Variants in NACC2 observed in about 807,000 individuals in gnomAD.
The protein encoded by NACC2 is NACC family member 2.
Under a neutral mutation model 25.1 loss-of-function variants are expected in NACC2, and 8 were observed. That is an observed-to-expected ratio of 0.32 (90% CI 0.19 to 0.57). The LOEUF (loss-of-function observed/expected upper bound fraction) is 0.57, where lower values mean the gene tolerates loss of function less well. Ranked by LOEUF, NACC2 falls within the 20% of genes least tolerant of loss-of-function variation. The pLI is 0.89. For missense variants in NACC2, 644 were observed against 650.2 expected, an observed-to-expected ratio of 0.99 and a Z score of 0.10; for synonymous variants, 435 against 294.7, an observed-to-expected ratio of 1.48 and a Z score of -4.88.
chr9:136,013,409 G>C lies in NACC2; in HGVS notation c.1158-113C>G, dbSNP rs1289495861. ...AGGCCACTTGGCCTCACCCTTGGCT[G>C]GTCTGCGTGTGTCCCAGTGGCAGGA... On this transcript the variant is annotated intron_variant, in intron 4 of 5. Coordinates refer to ENST00000277554, the MANE Select transcript of NACC2 (RefSeq NM_144653.5). This position sits in a 1 kb window ranked among gnomAD's most constrained non-coding sequence, Gnocchi z 6.6. The C allele has an allele frequency of 1.2e-5, 11 of 907,054 alleles. No homozygotes were observed. The Admixed American group carries it at 2.5e-4, about 21-fold the overall frequency. 56.2% of individuals were successfully genotyped at this position (907,054 alleles called of 1,614,324 possible).
intron 3 of NACC2, among the ~76,000 whole-genome samples, chr9:136,014,829 G>A (rs930273297): frequency 6.6e-6 from 1 of 152,194 alleles, no homozygotes; most frequent in African/African-American, 2.4e-5. Context: ...ACGCTGTGCT[G>A]TTTACCCTCG....
At chr9:136,088,518 G>A (rs1830402237) in intron 1 of NACC2, among the ~76,000 whole-genome samples, 1 of 152,168 alleles carries the variant, frequency 6.6e-6, no homozygotes, top group South Asian at 2.1e-4. Flanking sequence ...CCCAGTCCGT[G>A]GCCAGGGACT....
chr9:136,046,004 A>AGCGGGAATGCAGCCGCACCCT lies in NACC2; in HGVS notation c.886+3611_886+3631dup, dbSNP rs1840718196. ...CAGATGCCCCCGAGCCCTGAGCCCCAGCGGGAATGCAGCCGCACCCTGGGG... is the reference window on the plus strand; with the variant it reads ...CAGATGCCCCCGAGCCCTGAGCCCCAGCGGGAATGCAGCCGCACCCTGCGGGAATGCAGCCGCACCCTGGGG... On this transcript the variant is annotated intron_variant, in intron 2 of 5. Coordinates refer to ENST00000277554, the MANE Select transcript of NACC2 (RefSeq NM_144653.5). Among the ~76,000 whole-genome samples the AGCGGGAATGCAGCCGCACCCT allele has an allele frequency of 4.6e-5, 7 of 152,198 alleles. No individual in the cohort carries two copies. The South Asian group carries it at 1.4e-3, about 32-fold the overall frequency.
chr9:136,026,862 T>C (rs1840399640), intron 2 of NACC2, among the ~76,000 whole-genome samples: 1 of 152,138 alleles, frequency 6.6e-6, no homozygotes, highest in Non-Finnish European at 1.5e-5. Flanking sequence ...CAGAGACCAA[T>C]GGACAAGACG....
At chr9:136,094,775 C>G (rs1181870700) in intron 1 of NACC2, among the ~76,000 whole-genome samples, 1 of 151,974 alleles carries the variant, frequency 6.6e-6, no homozygotes, top group African/African-American at 2.4e-5. Context: ...AGTCCTGCCC[C>G]GGCTTCCCCA....
chr9:136,030,945 A>T (rs1244184242), intron 2 of NACC2, among the ~76,000 whole-genome samples: 1 of 152,052 alleles, frequency 6.6e-6, no homozygotes, highest in Non-Finnish European at 1.5e-5. Flanking sequence ...ACAGGAGTGA[A>T]CCACCGTGCC....
intron 1 of NACC2, among the ~76,000 whole-genome samples, chr9:136,051,657 C>CAGGT (rs1840840393): frequency 6.6e-6 from 1 of 152,050 alleles, no homozygotes; most frequent in African/African-American, 2.4e-5. Context: ...GGGAGCTGGG[C>CAGGT]AGGTGGACGC....
intron 1 of NACC2, among the ~76,000 whole-genome samples, chr9:136,061,622 C>T (rs1169260401): frequency 6.6e-6 from 1 of 152,106 alleles, no homozygotes; most frequent in African/African-American, 2.4e-5. Context: ...CTGGACCCAG[C>T]AGGTCTACCC....
rs1471993525 is a variant in NACC2 at position 136,018,166 on chromosome 9, G to T, written c.887-1737C>A. Among the ~76,000 whole-genome samples the T allele has an allele frequency of 6.6e-6, 1 of 152,158 alleles. No individual in the cohort carries two copies. Among genetic ancestry groups the T allele is most frequent in the Non-Finnish European group, 1.5e-5 (1 of 68,000 alleles). ...ACCGCACCAGGACGCTCAGAGGCAG[G>T]TGCACCTGGCCATGCTGTCCCTGTT... On this transcript the variant is annotated intron_variant, in intron 2 of 5. Coordinates refer to ENST00000277554, the MANE Select transcript of NACC2 (RefSeq NM_144653.5). The surrounding 1 kb of genome is among the most constrained non-coding windows in gnomAD (Gnocchi z 4.4).
chr9:136,054,302 A>G (rs1184624835), intron 1 of NACC2, among the ~76,000 whole-genome samples: 2 of 152,252 alleles, frequency 1.3e-5, no homozygotes, highest in East Asian at 3.9e-4. Flanking sequence ...TTCCCTTTGA[A>G]GGTGATGGGG....
rs185601428 is a variant in NACC2, at chr9:136,085,310, C to T, written c.-60+9879G>A. On this transcript the variant is annotated intron_variant, in intron 1 of 5. Transcript: ENST00000277554. ...GATTACAGGTGTGAACCACTGTGCC[C>T]GACCCAAAAAAATTTTTTTAATTAG... 4.0e-5 allele frequency among the ~76,000 whole-genome samples: 6 copies of T among 150,978 alleles called. No individual in the cohort carries two copies. In the South Asian group the frequency reaches 6.3e-4, roughly 16 times the overall value.
At chr9:136,061,194 C>T (rs1841005953) in intron 1 of NACC2, among the ~76,000 whole-genome samples, 1 of 152,204 alleles carries the variant, frequency 6.6e-6, no homozygotes, top group Non-Finnish European at 1.5e-5. Flanking sequence ...ACTGTGCCGG[C>T]TACCGGGGTC....
At chr9:136,066,192 CAA>C (rs35564918) in intron 1 of NACC2, among the ~76,000 whole-genome samples, 11 of 64,522 alleles carry the variant, frequency 1.7e-4, no homozygotes, top group African/African-American at 4.1e-4. Context: ...AACCCCATCT[CAA>C]AAAAAAAAAA....
rs1011756091 is a variant in NACC2 at position 136,013,749 on chromosome 9, G to A, written c.1157+115C>T. The A allele has an allele frequency of 2.2e-6, 2 of 909,762 alleles. No homozygotes were observed. Among genetic ancestry groups the A allele is most frequent in the Admixed American group, 2.5e-5 (1 of 39,690 alleles). 56.4% of individuals were successfully genotyped at this position (909,762 alleles called of 1,614,324 possible). ...GCCGACCGGCCACGGCTGAAGTCAGGAATGCGAGAGGGCTTTCAATGCCAC... is the reference window on the plus strand; with the variant it reads ...GCCGACCGGCCACGGCTGAAGTCAGAAATGCGAGAGGGCTTTCAATGCCAC... On this transcript the variant is annotated intron_variant, in intron 4 of 5. Transcript: ENST00000277554. This position sits in a 1 kb window ranked among gnomAD's most constrained non-coding sequence, Gnocchi z 6.6.
At position 136,007,512 on chromosome 9, in the gene NACC2, CGCACACACAGACGCACAGACGT is replaced by C. The variant is rs1840038936; in HGVS notation, c.*3982_*4003del. 1.3e-5 allele frequency: 1 copy of C among 77,284 alleles called. No homozygotes were observed. The highest frequency in any genetic ancestry group is 3.3e-4 in the East Asian group (1 of 3,024). 4.8% of individuals were successfully genotyped at this position (77,284 alleles called of 1,614,324 possible). A position where few individuals can be genotyped will look rare whatever the true frequency, so the allele number is the denominator to read the frequency against. ...GCACAGACACACACATGCACAGACG[CGCACACACAGACGCACAGACGT>C]GCACACACAGACACGCACACACACA... On this transcript the variant is annotated 3_prime_UTR_variant, in exon 6 of 6. Transcript: ENST00000277554.
chr9:136,030,812 C>T (rs1031224081), intron 2 of NACC2, among the ~76,000 whole-genome samples: 1 of 151,982 alleles, frequency 6.6e-6, no homozygotes, highest in Non-Finnish European at 1.5e-5. Context: ...CAGGCACACA[C>T]CTCCATGCCT....
intron 2 of NACC2, among the ~76,000 whole-genome samples, chr9:136,038,467 G>A (rs1160572062): frequency 6.6e-6 from 1 of 152,222 alleles, no homozygotes; most frequent in Admixed American, 6.5e-5. Flanking sequence ...TTGAGCCCGG[G>A]AGGCAGAGGG....
intron 1 of NACC2, among the ~76,000 whole-genome samples, chr9:136,070,132 C>T (rs920394880): frequency 2.6e-5 from 4 of 151,852 alleles, no homozygotes; most frequent in African/African-American, 7.3e-5. Context: ...AACTAGAAAT[C>T]GTAACAAAGG....
At chr9:136,072,850 CAAAT>C (rs61208098) in intron 1 of NACC2, among the ~76,000 whole-genome samples, 1,717 of 150,360 alleles carry the variant, frequency 0.011, 29 homozygotes, top group African/African-American at 0.039. Context: ...AACTCCGTCT[CAAAT>C]AAATAAATAA....
Sources: gnomAD v4.1 joint callset for allele counts (sites outside exome capture counted in the v4.1 genomes callset) on GRCh38, gnomAD v4.1.1 for gene constraint, Gnocchi (gnomAD v3.1) non-coding constraint, MANE v1.5 for transcripts, NCBI Gene and HGNC (gene_info 2026-07-23, HGNC 2026-07-21) for gene names.